Variants in NFIX observed in about 807,000 individuals in gnomAD.
NFIX encodes the protein nuclear factor I X.
A neutral mutation model predicts 53.3 loss-of-function variants in NFIX; 2 were observed. That is an observed-to-expected ratio of 0.04 (90% CI 0.02 to 0.12). The LOEUF (loss-of-function observed/expected upper bound fraction) is 0.12. Ranked by LOEUF, NFIX falls within the 10% of genes least tolerant of loss-of-function variation. The pLI, the probability that NFIX is intolerant of heterozygous loss-of-function variation, is 1.00. For synonymous variants in NFIX, 244 were observed against 289.0 expected, an observed-to-expected ratio of 0.84 and a Z score of 1.58; for missense variants, 310 against 674.5, an observed-to-expected ratio of 0.46 and a Z score of 5.99.
chr19:13,019,083 T>G (rs545603826), intron 1 of NFIX, among the ~76,000 whole-genome samples: 14 of 151,990 alleles, frequency 9.2e-5, no homozygotes, highest in Non-Finnish European at 1.9e-4. Context: ...AGAATAAATC[T>G]GGGCCTTAAA....
rs947519190 is a variant in NFIX, at chr19:13,090,730, C to T, written c.1494+340C>T. Among the ~76,000 whole-genome samples the T allele has an allele frequency of 6.6e-6, 1 of 152,198 alleles. No homozygotes were observed. The highest frequency in any genetic ancestry group is 2.4e-5 in the African/African-American group (1 of 41,434). On this transcript the variant is annotated intron_variant, in intron 10 of 10. Coordinates refer to ENST00000592199, the MANE Select transcript of NFIX (RefSeq NM_001365902.3). This position sits in a 1 kb window ranked among gnomAD's most constrained non-coding sequence, Gnocchi z 6.6. The stretch of plus-strand genomic sequence containing the variant: ...CCATCGGGAGGAGAATAGAGTCTGC[C>T]TCACTGCTTTCACCTGCCCCGACTG...
intron 2 of NFIX, among the ~76,000 whole-genome samples, chr19:13,041,387 A>G: frequency 6.6e-6 from 1 of 152,220 alleles, no homozygotes; most frequent in East Asian, 1.9e-4. Context: ...AAATTATACA[A>G]TTATGCCACT....
rs991151554 is a variant in NFIX, at chr19:13,067,321, G to A, written c.560-5726G>A. 2.0e-5 allele frequency among the ~76,000 whole-genome samples: 3 copies of A among 152,218 alleles called. No individual in the cohort carries two copies. Among genetic ancestry groups the A allele is most frequent in the African/African-American group, 7.2e-5 (3 of 41,462 alleles). On this transcript the variant is annotated intron_variant, in intron 2 of 10. Coordinates refer to ENST00000592199, the MANE Select transcript of NFIX (RefSeq NM_001365902.3). This position sits in a 1 kb window ranked among gnomAD's most constrained non-coding sequence, Gnocchi z 4.2. ...CAGGGGATGGGCAGGCACACCCCAA[G>A]GGCTGTTCTCCCCGTTTCCAAAGGC...
In NFIX at chr19:13,036,503, T is replaced by TA. The variant is rs2014200383; in HGVS notation, c.559+10952dup. ...AGGCTGCTCTCCAGACAGCTGAGAGTAGGGTGACACCTGGTGACTCTTGTG... is the reference window on the plus strand; with the variant it reads ...AGGCTGCTCTCCAGACAGCTGAGAGTAAGGGTGACACCTGGTGACTCTTGTG... On this transcript the variant is annotated intron_variant, in intron 2 of 10. Transcript: ENST00000592199. This position sits in a 1 kb window ranked among gnomAD's most constrained non-coding sequence, Gnocchi z 4.7. Among the ~76,000 whole-genome samples, 1 of 151,704 alleles carries TA rather than the reference T, an allele frequency of 6.6e-6. No individual in the cohort carries two copies. Among genetic ancestry groups the TA allele is most frequent in the Admixed American group, 6.6e-5 (1 of 15,260 alleles).
At chr19:13,085,438 C>G (rs2017719940) in intron 8 of NFIX, among the ~76,000 whole-genome samples, 1 of 152,182 alleles carries the variant, frequency 6.6e-6, no homozygotes, top group Admixed American at 6.5e-5. Flanking sequence ...GCTCGGGACA[C>G]CTGGAGAGGA....
At chr19:13,083,611 T>C (rs2017599515) in intron 8 of NFIX, among the ~76,000 whole-genome samples, 2 of 151,960 alleles carry the variant, frequency 1.3e-5, no homozygotes, top group South Asian at 4.1e-4. Flanking sequence ...AGGCAGGCAC[T>C]TGCTCCAAGC....
At position 13,028,802 on chromosome 19, in the gene NFIX, A is replaced by G. The variant is rs74867801; in HGVS notation, c.559+3250A>G. On this transcript the variant is annotated intron_variant, in intron 2 of 10. Transcript: ENST00000592199. The surrounding 1 kb of genome is among the most constrained non-coding windows in gnomAD (Gnocchi z 4.2). ...TGAGCTGGGGAGGGCCAGGAGAGAG[A>G]TCTCTGCTTGTGTGAGAAAGGATGG... 0.086 allele frequency among the ~76,000 whole-genome samples: 13,025 copies of G among 152,000 alleles called. 722 individuals are homozygous for G. The highest frequency in any genetic ancestry group is 0.13 in the Non-Finnish European group (9,012 of 67,926).
At chr19:13,031,969 T>C (rs965303556) in intron 2 of NFIX, among the ~76,000 whole-genome samples, 1 of 147,802 alleles carries the variant, frequency 6.8e-6, no homozygotes, top group Non-Finnish European at 1.5e-5. Context: ...GTCCGTCCCA[T>C]CCCTCCACCC....
At chr19:13,018,282 C>T (rs1317243082) in intron 1 of NFIX, among the ~76,000 whole-genome samples, 1 of 143,806 alleles carries the variant, frequency 7.0e-6, no homozygotes, top group Non-Finnish European at 1.5e-5. Flanking sequence ...GCCTGTTGGC[C>T]CGATCCCAGG....
At chr19:13,044,071 C>T (rs1406628409) in intron 2 of NFIX, among the ~76,000 whole-genome samples, 1 of 152,192 alleles carries the variant, frequency 6.6e-6, no homozygotes, top group Non-Finnish European at 1.5e-5. Context: ...ACCCTTGTCC[C>T]CCACCCTTTC....
chr19:13,058,833 G>A (rs929618779), intron 2 of NFIX, among the ~76,000 whole-genome samples: 1 of 152,108 alleles, frequency 6.6e-6, no homozygotes, highest in South Asian at 2.1e-4. Context: ...CAGGCAAGGT[G>A]GGGAGGGGTA....
At position 13,075,557 on chromosome 19, in the gene NFIX, A is replaced by G. The variant is rs758143586; in HGVS notation, c.841A>G (p.Ile281Val). The G allele has an allele frequency of 8.7e-6, 14 of 1,613,640 alleles. No individual in the cohort carries two copies. The highest frequency in any genetic ancestry group is 1.3e-5 in the African/African-American group (1 of 74,884). The change falls in exon 6 of 11, where the codon ATC (isoleucine) becomes GTC (valine). Residue 281 changes from isoleucine (I) to valine (V), a missense_variant. By Grantham distance (29) the Ile-to-Val change is conservative (BLOSUM62 3). Around this residue, in one of 5 missense-constraint regions of NFIX, gnomAD observed 164 missense variants for 284.4 expected, o/e 0.58. Coordinates refer to ENST00000592199, the MANE Select transcript of NFIX (RefSeq NM_001365902.3). ...STSTTKRPKS[I>V]DDSEMESPVD... ...CAGCACCACCAAGCGCCCCAAGTCC[A>G]TCGATGACAGTGAGATGGAGAGCCC...
intron 1 of NFIX, among the ~76,000 whole-genome samples, chr19:13,004,666 G>A (rs10418336): frequency 0.1 from 15,642 of 151,970 alleles, 1,732 homozygotes; most frequent in African/African-American, 0.28. Flanking sequence ...GCCCTGGTTT[G>A]TAGAAGCCTG....
Position 13,011,227 on chromosome 19 carries a change from G to A in NFIX, c.28-13794G>A, listed in dbSNP as rs1257861303. Among the ~76,000 whole-genome samples the A allele has an allele frequency of 1.3e-5, 2 of 152,160 alleles. No homozygotes were observed. Among genetic ancestry groups the A allele is most frequent in the Non-Finnish European group, 2.9e-5 (2 of 68,022 alleles). On this transcript the variant is annotated intron_variant, in intron 1 of 10. Coordinates refer to ENST00000592199, the MANE Select transcript of NFIX (RefSeq NM_001365902.3). This position sits in a 1 kb window ranked among gnomAD's most constrained non-coding sequence, Gnocchi z 6.5. ...GGGCCGGACTGCAGCTCCGAATCCC[G>A]CAGCCCCAGAAACACAATCGCGGGG...
intron 2 of NFIX, among the ~76,000 whole-genome samples, chr19:13,054,326 C>CT (rs1253187562): frequency 6.6e-6 from 1 of 152,236 alleles, no homozygotes; most frequent in Non-Finnish European, 1.5e-5. Context: ...ATAACCACCC[C>CT]TTGGGGCTAT....
At position 13,009,408 on chromosome 19, in the gene NFIX, G is replaced by T. The variant is rs941714744; in HGVS notation, c.27+13544G>T. Among the ~76,000 whole-genome samples the T allele has an allele frequency of 6.6e-6, 1 of 152,192 alleles. No homozygotes were observed. On this transcript the variant is annotated intron_variant, in intron 1 of 10. Coordinates refer to ENST00000592199, the MANE Select transcript of NFIX (RefSeq NM_001365902.3). This position sits in a 1 kb window ranked among gnomAD's most constrained non-coding sequence, Gnocchi z 4.7. The stretch of plus-strand genomic sequence containing the variant: ...TTTTACAGATGAGGAAACAGAGGCC[G>T]CAAGGTCAAGTGCCAAGGTCATGGG...
chr19:13,026,828 C>T lies in NFIX; in HGVS notation c.559+1276C>T, dbSNP rs144925780. Among the ~76,000 whole-genome samples the T allele has an allele frequency of 4.4e-3, 661 of 151,616 alleles. 7 individuals are homozygous for T. Among genetic ancestry groups the T allele is most frequent in the African/African-American group, 0.015 (636 of 41,282 alleles). On this transcript the variant is annotated intron_variant, in intron 2 of 10. Coordinates refer to ENST00000592199, the MANE Select transcript of NFIX (RefSeq NM_001365902.3). ...CATTTTCCTTCTTCCTCTCTTTATG[C>T]GAATTTGAGAGAATGTGGCTTAACT...
At position 13,037,307 on chromosome 19, in the gene NFIX, TCATATCCTCC is replaced by T. The variant is rs1357872109; in HGVS notation, c.559+11757_559+11766del. Among the ~76,000 whole-genome samples the T allele has an allele frequency of 6.6e-6, 1 of 152,144 alleles. No homozygotes were observed. Among genetic ancestry groups the T allele is most frequent in the Non-Finnish European group, 1.5e-5 (1 of 68,020 alleles). On this transcript the variant is annotated intron_variant, in intron 2 of 10. Coordinates refer to ENST00000592199, the MANE Select transcript of NFIX (RefSeq NM_001365902.3). This position sits in a 1 kb window ranked among gnomAD's most constrained non-coding sequence, Gnocchi z 4.2. ...AGGGAGACCCGACTTCTGCACCCGG[TCATATCCTCC>T]CCAGGGCATGACCACTTCCCCTACC...
chr19:13,078,800 G>T lies in NFIX; in HGVS notation c.1078+65G>T. On this transcript the variant is annotated intron_variant, in intron 7 of 10. Coordinates refer to ENST00000592199, the MANE Select transcript of NFIX (RefSeq NM_001365902.3). This position sits in a 1 kb window ranked among gnomAD's most constrained non-coding sequence, Gnocchi z 4.7. ...GTGGCTGAGTATCTAGGGGCAGCTG[G>T]CCAGGTGAAGGGGCCAGAGCTGACC... The T allele has an allele frequency of 5.2e-6, 8 of 1,530,240 alleles. No homozygotes were observed. The East Asian group carries it at 1.2e-4, about 23-fold the overall frequency. 94.8% of individuals were successfully genotyped at this position (1,530,240 alleles called of 1,614,324 possible).
Sources: gnomAD v4.1 joint callset for allele counts (sites outside exome capture counted in the v4.1 genomes callset) on GRCh38, gnomAD v4.1.1 for gene constraint, gnomAD v4.1.1 regional missense constraint, Gnocchi (gnomAD v3.1) non-coding constraint, MANE v1.5 for transcripts, NCBI Gene and HGNC (gene_info 2026-07-23, HGNC 2026-07-21) for gene names.